GARRE1: variants seen among roughly 807,000 people sequenced by gnomAD.
GARRE1 encodes the protein granule associated Rac and RHOG effector 1.
In GARRE1, 49 loss-of-function variants were observed where a neutral mutation model predicts 103.2. That is an observed-to-expected ratio of 0.47 (90% CI 0.38 to 0.60). GARRE1 has a LOEUF of 0.60. Among genes scored for constraint, GARRE1 ranks in the 20% least tolerant of loss-of-function variants. The probability of loss-of-function intolerance (pLI) is 0.00; values close to 1 mark genes in which losing one functional copy is unlikely to be tolerated. For synonymous variants in GARRE1, 505 were observed against 532.8 expected (o/e 0.95, Z 0.72); for missense variants, 1,199 against 1,370.5 (o/e 0.87, Z 1.98).
In GARRE1 at chr19:34,288,613, A is replaced by G. The variant is rs553023181; in HGVS notation, c.-795-11066A>G. ...CATATAGTGGAATTGGTACCACGCA[A>G]CCACCTCTGGCCTTTGATGGTGGCC... On this transcript the variant is annotated intron_variant, in intron 1 of 13. Coordinates refer to ENST00000299505, the MANE Select transcript of GARRE1 (RefSeq NM_014686.5). Among the ~76,000 whole-genome samples, 10 of 152,316 alleles carry G rather than the reference A, an allele frequency of 6.6e-5. No homozygotes were observed. The East Asian group carries it at 1.2e-3, about 18-fold the overall frequency.
intron 2 of GARRE1, among the ~76,000 whole-genome samples, chr19:34,309,085 A>AC (rs1047613303): frequency 5.9e-5 from 9 of 152,076 alleles, no homozygotes; most frequent in Non-Finnish European, 1.2e-4. Context: ...TTTAAAAAAA[A>AC]AAACAAACCC....
chr19:34,312,058 C>G (rs368921142), intron 2 of GARRE1, among the ~76,000 whole-genome samples: 1 of 152,078 alleles, frequency 6.6e-6, no homozygotes, highest in East Asian at 1.9e-4. Context: ...TTAAGCGATC[C>G]TCCTGTCTGG....
intron 2 of GARRE1, among the ~76,000 whole-genome samples, chr19:34,317,404 A>C (rs2074064834): frequency 6.6e-6 from 1 of 152,140 alleles, no homozygotes; most frequent in South Asian, 2.1e-4. Context: ...CCCAGAGCTA[A>C]TGGAGCATGG....
chr19:34,326,827 G>C (rs1216801458), intron 3 of GARRE1, among the ~76,000 whole-genome samples: 1 of 151,696 alleles, frequency 6.6e-6, no homozygotes, highest in Non-Finnish European at 1.5e-5. Flanking sequence ...CAAATAACAA[G>C]TAGGTAAGTC....
chr19:34,347,940 G>T lies in GARRE1; in HGVS notation c.2585G>T (p.Arg862Leu), dbSNP rs373093362. The T allele has an allele frequency of 6.3e-7, 1 of 1,592,872 alleles. No individual in the cohort carries two copies. The highest frequency in any genetic ancestry group is 1.3e-5 in the African/African-American group (1 of 74,080). The change falls in exon 11 of 14, where the codon CGG becomes CTG. Residue 862 changes from arginine to leucine, a missense_variant. Coordinates refer to ENST00000299505, the MANE Select transcript of GARRE1 (RefSeq NM_014686.5). ...AGVSQAMQQK[R>L]QAQHGRRPGN... ...GTGAGCCAGGCGATGCAGCAGAAGC[G>T]GCAGGCCCAGCACGGTCGCCGGCCA...
At chr19:34,296,570 C>T (rs576849964) in intron 1 of GARRE1, 13 of 1,591,432 alleles carry the variant, frequency 8.2e-6, no homozygotes, top group Non-Finnish European at 1.1e-5. Flanking sequence ...CATTGTTGGC[C>T]TGCATCTTCT....
In GARRE1 at chr19:34,299,743, C is replaced by T. The variant is rs2073966814; in HGVS notation, c.-731C>T. The T allele has an allele frequency of 6.6e-6, 1 of 152,126 alleles. No homozygotes were observed. The highest frequency in any genetic ancestry group is 6.6e-5 in the Admixed American group (1 of 15,266). 9.4% of individuals were successfully genotyped at this position (152,126 alleles called of 1,614,324 possible). A position where few individuals can be genotyped will look rare whatever the true frequency, so the allele number is the denominator to read the frequency against. On this transcript the variant is annotated 5_prime_UTR_variant, in exon 2 of 14. Coordinates refer to ENST00000299505, the MANE Select transcript of GARRE1 (RefSeq NM_014686.5). ...TTGCTTCAGACTTTACAACTGAGGGCCAGCCCAGTCTGGAAGCATCTCTTA... is the reference window on the plus strand; with the variant it reads ...TTGCTTCAGACTTTACAACTGAGGGTCAGCCCAGTCTGGAAGCATCTCTTA...
chr19:34,282,166 C>T (rs567404482), intron 1 of GARRE1, among the ~76,000 whole-genome samples: 1 of 151,758 alleles, frequency 6.6e-6, no homozygotes, highest in East Asian at 1.9e-4. Flanking sequence ...TTTTTCTCCC[C>T]CCGAGATGGA....
intron 2 of GARRE1, among the ~76,000 whole-genome samples, chr19:34,302,725 G>A (rs2073986410): frequency 6.6e-6 from 1 of 150,448 alleles, no homozygotes; most frequent in South Asian, 2.1e-4. Flanking sequence ...CATTTCTTGG[G>A]GTCTTTGATA....
At chr19:34,255,527 A>G (rs2073666500) in intron 1 of GARRE1, among the ~76,000 whole-genome samples, 2 of 152,174 alleles carry the variant, frequency 1.3e-5, no homozygotes, top group East Asian at 1.9e-4. Context: ...CACTGCTAAC[A>G]TTTTGGTGAT....
Position 34,264,701 on chromosome 19 carries a change from A to G in GARRE1, c.-796+10087A>G, listed in dbSNP as rs1051578189. Among the ~76,000 whole-genome samples, 29 of 152,210 alleles carry G rather than the reference A, an allele frequency of 1.9e-4. 1 individual carries two copies. The highest frequency in any genetic ancestry group is 6.5e-4 in the African/African-American group (27 of 41,458). On this transcript the variant is annotated intron_variant, in intron 1 of 13. Transcript: ENST00000299505. ...GTGTGAGCCACCACGCCCGGCTGGC[A>G]TGTCATTGTTATATGGCAGAGTTTT...
intron 10 of GARRE1, among the ~76,000 whole-genome samples, chr19:34,343,997 T>C (rs928350279): frequency 1.3e-5 from 2 of 152,204 alleles, no homozygotes; most frequent in African/African-American, 4.8e-5. Context: ...TGTAACTTTG[T>C]CTTGGACTTC....
rs2074242817 is a variant in GARRE1, at chr19:34,352,386, A to C, written c.2905-261A>C. On this transcript the variant is annotated intron_variant, in intron 13 of 13. Coordinates refer to ENST00000299505, the MANE Select transcript of GARRE1 (RefSeq NM_014686.5). The stretch of plus-strand genomic sequence containing the variant: ...CACTGCACTCCAGCCTGGGCGAGAG[A>C]CAGACTGCATCTCAAAAAAAAAAAA... 1.4e-4 allele frequency among the ~76,000 whole-genome samples: 21 copies of C among 151,050 alleles called. No individual in the cohort carries two copies. The South Asian group carries it at 4.4e-3, about 32-fold the overall frequency.
At chr19:34,288,315 T>C (rs890216983) in intron 1 of GARRE1, among the ~76,000 whole-genome samples, 2 of 152,194 alleles carry the variant, frequency 1.3e-5, no homozygotes, top group Non-Finnish European at 2.9e-5. Context: ...TAAAGTTTCC[T>C]TTCCTCAATT....
intron 1 of GARRE1, among the ~76,000 whole-genome samples, chr19:34,277,409 G>T (rs1219388700): frequency 6.6e-6 from 1 of 152,268 alleles, no homozygotes. Flanking sequence ...AGACCAATAA[G>T]ATCAGTGGTT....
At position 34,299,942 on chromosome 19, in the gene GARRE1, C is replaced by T. The variant is rs893636290; in HGVS notation, c.-532C>T. On this transcript the variant is annotated 5_prime_UTR_variant, in exon 2 of 14. Coordinates refer to ENST00000299505, the MANE Select transcript of GARRE1 (RefSeq NM_014686.5). ...CTTACAGGTAAACGGATTTGACGGGCAGGCTCTGTCAAAATTCTGCAGAAG... is the reference window on the plus strand; with the variant it reads ...CTTACAGGTAAACGGATTTGACGGGTAGGCTCTGTCAAAATTCTGCAGAAG... 6.6e-6 allele frequency: 1 copy of T among 152,262 alleles called. No individual in the cohort carries two copies. The highest frequency in any genetic ancestry group is 6.5e-5 in the Admixed American group (1 of 15,270). The allele number at this position is 152,262 out of a possible 1,614,324, so 9.4% of individuals were successfully genotyped here.
At position 34,347,921 on chromosome 19, in the gene GARRE1, C is replaced by A; in HGVS notation, c.2566C>A (p.Gln856Lys). Residue 856 changes from glutamine to lysine, a missense_variant, in exon 11 of 14, where the codon CAG becomes AAG. Coordinates refer to ENST00000299505, the MANE Select transcript of GARRE1 (RefSeq NM_014686.5). ...TGCACGCTATGTGGCAGGAGTGAGC[C>A]AGGCGATGCAGCAGAAGCGGCAGGC... ...EFARYVAGVS[Q>K]AMQQKRQAQH... The A allele has an allele frequency of 1.3e-6, 2 of 1,593,278 alleles. No homozygotes were observed. Among genetic ancestry groups the A allele is most frequent in the Non-Finnish European group, 1.7e-6 (2 of 1,169,106 alleles).
chr19:34,299,222 AT>A (rs1207713617), intron 1 of GARRE1, among the ~76,000 whole-genome samples: 1 of 151,908 alleles, frequency 6.6e-6, no homozygotes, highest in Non-Finnish European at 1.5e-5. Context: ...TCAGAAGAAT[AT>A]TTTTTTCGTA....
rs117879163 is a variant in GARRE1, at chr19:34,265,776, T to A, written c.-796+11162T>A. Among the ~76,000 whole-genome samples the A allele has an allele frequency of 7.6e-3, 1,164 of 152,318 alleles. 10 individuals carry two copies. The highest frequency in any genetic ancestry group is 0.021 in the Admixed American group (320 of 15,298). On this transcript the variant is annotated intron_variant, in intron 1 of 13. Coordinates refer to ENST00000299505, the MANE Select transcript of GARRE1 (RefSeq NM_014686.5). ...ACGCCCTCTTTCAGAGCAGTAGCTTTCATTTACGGAGACTGAGGGTATGGC... is the reference window on the plus strand; with the variant it reads ...ACGCCCTCTTTCAGAGCAGTAGCTTACATTTACGGAGACTGAGGGTATGGC...
Sources: gnomAD v4.1 joint callset for allele counts (sites outside exome capture counted in the v4.1 genomes callset) on GRCh38, gnomAD v4.1.1 for gene constraint, MANE v1.5 for transcripts, NCBI Gene and HGNC (gene_info 2026-07-23, HGNC 2026-07-21) for gene names.